The following RARB variants were observed in gnomAD, a reference collection of about 807,000 sequenced individuals.
RARB encodes the protein HBV-activated protein.
A neutral mutation model predicts 51.9 loss-of-function variants in RARB; 17 were observed. The ratio of observed to expected loss-of-function variants is 0.33; its 90% CI spans 0.22 to 0.49. RARB has a LOEUF of 0.49. Among genes scored for constraint, RARB ranks in the 20% least tolerant of loss-of-function variants. RARB has a pLI of 0.99. For missense variants in RARB, 369 were observed against 550.8 expected, an observed-to-expected ratio of 0.67 and a Z score of 3.30; for synonymous variants, 215 against 195.4, an observed-to-expected ratio of 1.10 and a Z score of -0.84.
At chr3:25,389,716 A>C (rs1350983794) in intron 5 of RARB, among the ~76,000 whole-genome samples, 2 of 152,212 alleles carry the variant, frequency 1.3e-5, no homozygotes, top group Non-Finnish European at 2.9e-5. Flanking sequence ...ATGGACCTAA[A>C]AATCAATAGA....
At position 24,958,968 on chromosome 3, in the gene RARB, T is replaced by C. The variant is rs1264368078; in HGVS notation, c.-380+100216T>C. ...GAGGGGGATCACACAGGTGAGCCGG[T>C]GCAGGAGGCAGGGCAAGTGCTTCTG... On this transcript the variant is annotated intron_variant, in intron 2 of 11. Transcript: ENST00000383772. Among the ~76,000 whole-genome samples the C allele has an allele frequency of 2.0e-5, 3 of 152,186 alleles. No homozygotes were observed. In the East Asian group the frequency reaches 5.8e-4, roughly 29 times the overall value.
chr3:25,178,252 T>C (rs1214852224), intron 5 of RARB, among the ~76,000 whole-genome samples: 1 of 152,172 alleles, frequency 6.6e-6, no homozygotes, highest in Non-Finnish European at 1.5e-5. Flanking sequence ...TCTGACTTAA[T>C]TTTTATAGCA....
intron 2 of RARB, among the ~76,000 whole-genome samples, chr3:25,037,725 C>T (rs1182060167): frequency 6.6e-6 from 1 of 152,070 alleles, no homozygotes; most frequent in Non-Finnish European, 1.5e-5. Flanking sequence ...TTGCTGCCCT[C>T]ATAGAGCTTA....
At chr3:25,228,217 G>GTTTTTTTTTTTTTTTTTTTT (rs55796125) in intron 5 of RARB, among the ~76,000 whole-genome samples, 1 of 105,604 alleles carries the variant, frequency 9.5e-6, no homozygotes, top group Admixed American at 1.0e-4. Context: ...GACTTTGAGG[G>GTTTTTTTTTTTTTTTTTTTT]TTTTTTTTTT....
chr3:25,358,202 TG>T (rs1259641924), intron 5 of RARB, among the ~76,000 whole-genome samples: 1 of 152,156 alleles, frequency 6.6e-6, no homozygotes, highest in Non-Finnish European at 1.5e-5. Context: ...TCACATCCCA[TG>T]TAAGTTGTAT....
chr3:25,368,512 A>C (rs763416377), intron 5 of RARB, among the ~76,000 whole-genome samples: 1 of 152,206 alleles, frequency 6.6e-6, no homozygotes, highest in African/African-American at 2.4e-5. Flanking sequence ...GCACACACAT[A>C]CTTTCATTAA....
chr3:24,927,104 C>T (rs1695336588), intron 2 of RARB, among the ~76,000 whole-genome samples: 1 of 152,082 alleles, frequency 6.6e-6, no homozygotes. Context: ...CTCATATATT[C>T]TCAAATTATA....
intron 2 of RARB, among the ~76,000 whole-genome samples, chr3:24,871,861 G>A (rs559138295): frequency 3.9e-5 from 6 of 151,976 alleles, no homozygotes; most frequent in Non-Finnish European, 8.8e-5. Flanking sequence ...TTATTGCCTC[G>A]CTAGTAATCA....
chr3:25,520,409 T>G (rs1176047597), intron 3 of RARB, among the ~76,000 whole-genome samples: 3 of 152,182 alleles, frequency 2.0e-5, no homozygotes, highest in Non-Finnish European at 4.4e-5. Context: ...ATTCTTAAAC[T>G]ATTCCTCTCC....
chr3:25,253,228 C>G (rs892890909), intron 5 of RARB, among the ~76,000 whole-genome samples: 12 of 152,134 alleles, frequency 7.9e-5, no homozygotes, highest in African/African-American at 2.9e-4. Context: ...CTTTGATACA[C>G]ATGTGTTTTT....
At chr3:25,083,730 G>A (rs1699054196) in intron 3 of RARB, among the ~76,000 whole-genome samples, 1 of 151,988 alleles carries the variant, frequency 6.6e-6, no homozygotes, top group East Asian at 1.9e-4. Flanking sequence ...CTATGTTGTT[G>A]GGACTCTGGG....
Position 25,167,006 on chromosome 3 carries a change from G to C in RARB, c.-279-7113G>C, listed in dbSNP as rs867660715. On this transcript the variant is annotated intron_variant, in intron 4 of 11. Transcript: ENST00000383772. ...GCAGGTCAAATCTCAGTTTTTTATT[G>C]TTCAATTTCAGATTGGTGCTGTTAC... Among the ~76,000 whole-genome samples the C allele has an allele frequency of 3.3e-5, 5 of 152,234 alleles. 1 individual carries two copies. In the South Asian group the frequency reaches 1.0e-3, roughly 32 times the overall value.
At chr3:25,179,792 T>C (rs997269594) in intron 5 of RARB, among the ~76,000 whole-genome samples, 3 of 152,114 alleles carry the variant, frequency 2.0e-5, no homozygotes, top group African/African-American at 4.8e-5. Context: ...GTGCCTCTTT[T>C]CCCCCCAAAA....
chr3:25,332,119 G>A (rs560734966), intron 5 of RARB, among the ~76,000 whole-genome samples: 2 of 152,060 alleles, frequency 1.3e-5, no homozygotes, highest in African/African-American at 2.4e-5. Flanking sequence ...GGTACCATTC[G>A]TTCTGAAACT....
At chr3:25,050,328 C>T (rs1374167699) in intron 2 of RARB, among the ~76,000 whole-genome samples, 1 of 151,988 alleles carries the variant, frequency 6.6e-6, no homozygotes, top group Admixed American at 6.6e-5. Context: ...CACCTTATGA[C>T]CAAAGTCATC....
chr3:25,364,062 T>C (rs955332018), intron 5 of RARB, among the ~76,000 whole-genome samples: 3 of 152,234 alleles, frequency 2.0e-5, no homozygotes, highest in Admixed American at 1.3e-4. Context: ...CTGATTCTCC[T>C]TACAGTTTCT....
intron 1 of RARB, among the ~76,000 whole-genome samples, chr3:25,434,545 T>TCC (rs1553614597): frequency 7.9e-6 from 1 of 126,528 alleles, no homozygotes; most frequent in Admixed American, 8.5e-5. Flanking sequence ...TTTTTTTTTT[T>TCC]CTTTTTTTTT....
chr3:25,407,747 C>T (rs1443593888), intron 5 of RARB, among the ~76,000 whole-genome samples: 1 of 124,876 alleles, frequency 8.0e-6, no homozygotes, highest in Non-Finnish European at 1.6e-5. Flanking sequence ...TTTCAGTTCT[C>T]TGCATGAAGG....
intron 5 of RARB, among the ~76,000 whole-genome samples, chr3:25,182,146 A>G (rs1328952979): frequency 1.3e-5 from 2 of 152,226 alleles, no homozygotes; most frequent in African/African-American, 4.8e-5. Context: ...ATGTGTTGCT[A>G]AAAGAAGCAT....
Sources: allele counts gnomAD v4.1 joint callset (sites outside exome capture counted in the v4.1 genomes callset), GRCh38; gene constraint gnomAD v4.1.1; transcripts MANE v1.5; gene names NCBI Gene and HGNC (gene_info 2026-07-23, HGNC 2026-07-21).